The following MLLT1 variants were observed in gnomAD, a reference collection of about 807,000 sequenced individuals.
MLLT1 encodes MLLT1 super elongation complex subunit, also known as protein ENL.
In MLLT1, 11 loss-of-function variants were observed where a neutral mutation model predicts 55.1. The ratio of observed to expected loss-of-function variants is 0.20; its 90% CI spans 0.13 to 0.33. The LOEUF is 0.33. MLLT1 is among the 10% of genes least tolerant of loss of function. The pLI is 1.00. For synonymous variants in MLLT1, 323 were observed against 320.1 expected (o/e 1.01, Z -0.10); for missense variants, 536 against 760.6 (o/e 0.70, Z 3.47).
In MLLT1 at chr19:6,241,770, A is replaced by G. The variant is rs566441229; in HGVS notation, c.277-11057T>C. Among the ~76,000 whole-genome samples the G allele has an allele frequency of 4.6e-5, 7 of 152,354 alleles. No homozygotes were observed. In the East Asian group the frequency reaches 1.2e-3, roughly 25 times the overall value. On this transcript the variant is annotated intron_variant, in intron 3 of 11. Transcript: ENST00000252674. ...AGGGAACAGAAGGATGCTCTGGGGAAAGACAGACTGCGCCACAGCTGGCAC... is the reference window on the plus strand; with the variant it reads ...AGGGAACAGAAGGATGCTCTGGGGAGAGACAGACTGCGCCACAGCTGGCAC...
chr19:6,226,501 C>G lies in MLLT1; in HGVS notation c.546+476G>C, dbSNP rs1002555566. Among the ~76,000 whole-genome samples the G allele has an allele frequency of 2.6e-5, 4 of 152,188 alleles. No individual in the cohort carries two copies. Among genetic ancestry groups the G allele is most frequent in the African/African-American group, 9.7e-5 (4 of 41,450 alleles). On this transcript the variant is annotated intron_variant, in intron 5 of 11. Coordinates refer to ENST00000252674, the MANE Select transcript of MLLT1 (RefSeq NM_005934.4). This position sits in a 1 kb window ranked among gnomAD's most constrained non-coding sequence, Gnocchi z 6.3. ...TCAGCTGGCACCCACCTGGCTTCCC[C>G]TGCCCTTCCCCCACGAAACTCTGCA...
intron 6 of MLLT1, among the ~76,000 whole-genome samples, chr19:6,218,874 G>A (rs890639343): frequency 3.9e-5 from 6 of 152,302 alleles, no homozygotes; most frequent in Admixed American, 6.5e-5. Flanking sequence ...AGGACATGGC[G>A]GGCCCAGGGC....
chr19:6,259,100 G>A (rs529073744), intron 3 of MLLT1: 1 of 152,308 alleles, frequency 6.6e-6, no homozygotes, highest in African/African-American at 2.4e-5. Flanking sequence ...TTGAACGCTG[G>A]CGTGTCCACC....
At chr19:6,239,371 G>C (rs2091093742) in intron 3 of MLLT1, among the ~76,000 whole-genome samples, 1 of 152,224 alleles carries the variant, frequency 6.6e-6, no homozygotes, top group African/African-American at 2.4e-5. Flanking sequence ...CCTGCAGAGG[G>C]AGACCCGGAG....
chr19:6,234,215 G>A lies in MLLT1; in HGVS notation c.277-3502C>T, dbSNP rs181671983. On this transcript the variant is annotated intron_variant, in intron 3 of 11. Transcript: ENST00000252674. ...CAGTGGCATGGACTGCGGTGTCCTC[G>A]CGGGACCCCCGGGCTCCAGCACAGC... Among the ~76,000 whole-genome samples, 174 of 152,360 alleles carry A rather than the reference G, an allele frequency of 1.1e-3. 1 individual carries two copies. Among genetic ancestry groups the A allele is most frequent in the African/African-American group, 4.0e-3 (167 of 41,592 alleles).
chr19:6,216,596 CAG>C lies in MLLT1; in HGVS notation c.1199-85_1199-84del. ...AGGGCCCCTCGCCCATGAGGCCACG[CAG>C]AGCTTCTTGACACTGGTGACCCCCA... is the stretch of plus-strand genomic sequence containing the variant. On this transcript the variant is annotated intron_variant, in intron 7 of 11. Coordinates refer to ENST00000252674, the MANE Select transcript of MLLT1 (RefSeq NM_005934.4). The C allele has an allele frequency of 5.1e-6, 5 of 986,222 alleles. No individual in the cohort carries two copies. The South Asian group carries it at 7.6e-5, about 15-fold the overall frequency. 61.1% of individuals were successfully genotyped at this position (986,222 alleles called of 1,614,324 possible). A position where few individuals can be genotyped will look rare whatever the true frequency, so the allele number is the denominator to read the frequency against.
At chr19:6,241,831 C>T (rs1449887882) in intron 3 of MLLT1, among the ~76,000 whole-genome samples, 1 of 152,260 alleles carries the variant, frequency 6.6e-6, no homozygotes, top group Non-Finnish European at 1.5e-5. Context: ...GGCAGCTCGG[C>T]CCTGCCCTGG....
Position 6,212,864 on chromosome 19 carries a change from ATGGAGC to A in MLLT1, c.*172_*177del. 1.1e-5 allele frequency: 11 copies of A among 962,012 alleles called. No individual in the cohort carries two copies. Among genetic ancestry groups the A allele is most frequent in the Non-Finnish European group, 1.6e-5 (11 of 686,550 alleles). The allele number at this position is 962,012 out of a possible 1,614,324, so 59.6% of individuals were successfully genotyped here. A position where few individuals can be genotyped will look rare whatever the true frequency, so the allele number is the denominator to read the frequency against. On this transcript the variant is annotated 3_prime_UTR_variant, in exon 12 of 12. Coordinates refer to ENST00000252674, the MANE Select transcript of MLLT1 (RefSeq NM_005934.4). The stretch of plus-strand genomic sequence containing the variant: ...CAGCCCGGCCCCAGGGCTCCTGGCG[ATGGAGC>A]GGGGAGAGTGGGCAGGGAGCCGCCG...
intron 3 of MLLT1, among the ~76,000 whole-genome samples, chr19:6,253,331 G>A (rs1251291707): frequency 6.9e-6 from 1 of 145,164 alleles, no homozygotes; most frequent in Non-Finnish European, 1.5e-5. Flanking sequence ...ATCAAGAGAC[G>A]GAATCAGAAA....
intron 8 of MLLT1, 71 bp from the exon 9 acceptor site, chr19:6,214,109 GC>G: frequency 1.1e-6 from 1 of 937,680 alleles, no homozygotes; most frequent in Non-Finnish European, 1.4e-6. Flanking sequence ...CCAGGCTCAA[GC>G]CTCTGCCCCG....
chr19:6,218,548 A>G (rs1356397623), intron 6 of MLLT1, among the ~76,000 whole-genome samples: 1 of 152,230 alleles, frequency 6.6e-6, no homozygotes, highest in Non-Finnish European at 1.5e-5. Context: ...CGCTGCTCCT[A>G]CCGCCAGCTG....
intron 3 of MLLT1, among the ~76,000 whole-genome samples, chr19:6,239,052 A>T (rs1373785260): frequency 1.3e-5 from 2 of 152,126 alleles, no homozygotes; most frequent in South Asian, 2.1e-4. Context: ...CTGGCCATTT[A>T]CCGAAGCCTC....
chr19:6,213,801 C>A lies in MLLT1; in HGVS notation c.1408-4G>T. ...CGGGGCTCCTCCGGCCTGACACCTG[C>A]AGGGAACCCAGGTCTCTGCTGAGCT... On this transcript the variant is annotated splice_polypyrimidine_tract_variant and splice_region_variant and intron_variant, in intron 9 of 11. Coordinates refer to ENST00000252674, the MANE Select transcript of MLLT1 (RefSeq NM_005934.4). The A allele has an allele frequency of 6.2e-7, 1 of 1,613,486 alleles. No homozygotes were observed. The highest frequency in any genetic ancestry group is 8.5e-7 in the Non-Finnish European group (1 of 1,179,720).
chr19:6,220,222 C>T (rs1473220628), intron 6 of MLLT1, among the ~76,000 whole-genome samples: 2 of 152,232 alleles, frequency 1.3e-5, no homozygotes, highest in East Asian at 1.9e-4. Context: ...CAGCCCAAGA[C>T]GGCCAAGGGG....
At chr19:6,267,314 G>C (rs548480907) in intron 2 of MLLT1, among the ~76,000 whole-genome samples, 1 of 151,770 alleles carries the variant, frequency 6.6e-6, no homozygotes, top group African/African-American at 2.4e-5. Context: ...ATATTGGCCA[G>C]GCTGGTCTTG....
In MLLT1 at chr19:6,226,620, G is replaced by A. The variant is rs2144868934; in HGVS notation, c.546+357C>T. ...AGGGTTGAAGAGGTGGGTAGCTGCA[G>A]CCTAGACAGAGACACTCTACCCAGC... is the stretch of plus-strand genomic sequence containing the variant. On this transcript the variant is annotated intron_variant, in intron 5 of 11. Transcript: ENST00000252674. The surrounding 1 kb of genome is among the most constrained non-coding windows in gnomAD (Gnocchi z 6.3). Among the ~76,000 whole-genome samples the A allele has an allele frequency of 6.6e-6, 1 of 152,256 alleles. No individual in the cohort carries two copies. Among genetic ancestry groups the A allele is most frequent in the East Asian group, 2.0e-4 (1 of 5,112 alleles).
At position 6,230,128 on chromosome 19, in the gene MLLT1, C is replaced by T. The variant is rs148227328; in HGVS notation, c.420+442G>A. Among the ~76,000 whole-genome samples the T allele has an allele frequency of 4.4e-3, 671 of 152,256 alleles. 4 individuals carry two copies. Among genetic ancestry groups the T allele is most frequent in the Middle Eastern group, 0.017 (5 of 294 alleles). On this transcript the variant is annotated intron_variant, in intron 4 of 11. Coordinates refer to ENST00000252674, the MANE Select transcript of MLLT1 (RefSeq NM_005934.4). The surrounding 1 kb of genome is among the most constrained non-coding windows in gnomAD (Gnocchi z 9.0). Reference sequence around the variant, plus strand: ...GACTCCAGCCACCGCATGGGGGTCCCGGCCACACGACTCCTGGAGAGCCCT... The same window carrying T: ...GACTCCAGCCACCGCATGGGGGTCCTGGCCACACGACTCCTGGAGAGCCCT...
At chr19:6,247,639 A>G (rs2091180873) in intron 3 of MLLT1, among the ~76,000 whole-genome samples, 1 of 152,178 alleles carries the variant, frequency 6.6e-6, no homozygotes, top group Non-Finnish European at 1.5e-5. Context: ...GTAGGCCACC[A>G]CTGGGGGAGG....
At chr19:6,237,839 T>C (rs2091077853) in intron 3 of MLLT1, among the ~76,000 whole-genome samples, 1 of 151,584 alleles carries the variant, frequency 6.6e-6, no homozygotes, top group Admixed American at 6.6e-5. Flanking sequence ...CAATGGCTCA[T>C]GCCTGCAATC....
Sources: allele counts gnomAD v4.1 joint callset (sites outside exome capture counted in the v4.1 genomes callset), GRCh38; gene constraint gnomAD v4.1.1; non-coding constraint Gnocchi (gnomAD v3.1); transcripts MANE v1.5; gene names NCBI Gene and HGNC (gene_info 2026-07-23, HGNC 2026-07-21).